HIBADH: variants seen among roughly 807,000 people sequenced by gnomAD.
HIBADH encodes 3-hydroxyisobutyrate dehydrogenase, mitochondrial.
HIBADH carries 25 observed loss-of-function variants against 36.1 expected under a neutral mutation model. That is an observed-to-expected ratio of 0.69 (90% CI 0.50 to 0.97). The LOEUF is 0.97. HIBADH is among the 50% of genes least tolerant of loss of function. The pLI, the probability that HIBADH is intolerant of heterozygous loss-of-function variation, is 0.00. For missense variants in HIBADH, 421 were observed against 418.0 expected (o/e 1.01, Z -0.06); for synonymous variants, 160 against 149.5 (o/e 1.07, Z -0.51).
At chr7:27,642,893 C>T (rs963253183) in intron 2 of HIBADH, among the ~76,000 whole-genome samples, 6 of 152,048 alleles carry the variant, frequency 3.9e-5, no homozygotes, top group Non-Finnish European at 5.9e-5. Flanking sequence ...CCTCGTGATC[C>T]GCCCACCTCG....
intron 4 of HIBADH, among the ~76,000 whole-genome samples, chr7:27,574,054 T>C (rs1396714586): frequency 6.6e-6 from 1 of 152,150 alleles, no homozygotes; most frequent in Non-Finnish European, 1.5e-5. Flanking sequence ...TAATATACTA[T>C]AGAGGACCAA....
rs564076706 is a variant in HIBADH at position 27,526,118 on chromosome 7, G to A, written c.*96C>T. 2.0e-6 allele frequency: 2 copies of A among 1,010,370 alleles called. No individual in the cohort carries two copies. Among genetic ancestry groups the A allele is most frequent in the African/African-American group, 1.7e-5 (1 of 60,420 alleles). 62.6% of individuals were successfully genotyped at this position (1,010,370 alleles called of 1,614,324 possible). On this transcript the variant is annotated 3_prime_UTR_variant, in exon 8 of 8. Transcript: ENST00000265395. ...CCTAGACAATCAAAAGCAGATAGGT[G>A]ACCTTTGATTAAATCCATTTACTTG...
intron 4 of HIBADH, among the ~76,000 whole-genome samples, chr7:27,554,575 A>G (rs1373277541): frequency 8.5e-5 from 13 of 152,192 alleles, no homozygotes; most frequent in Admixed American, 7.9e-4. Flanking sequence ...GAGAAGAAAA[A>G]CAGGCATAAT....
rs576607302 is a variant in HIBADH at position 27,531,990 on chromosome 7, T to G, written c.696-642A>C. 6.6e-5 allele frequency among the ~76,000 whole-genome samples: 10 copies of G among 152,300 alleles called. No homozygotes were observed. In the East Asian group the frequency reaches 1.9e-3, roughly 29 times the overall value. On this transcript the variant is annotated intron_variant, in intron 6 of 7. Coordinates refer to ENST00000265395, the MANE Select transcript of HIBADH (RefSeq NM_152740.4). ...TATGAAGCAAGTCTGCACAGAGTTG[T>G]GACATATGCTATCTATTCAGAGACA... is the stretch of plus-strand genomic sequence containing the variant.
At position 27,619,085 on chromosome 7, in the gene HIBADH, C is replaced by G. The variant is rs532920656; in HGVS notation, c.484+10286G>C. ...AAGCATGCACAGCCCACTGCTGCCACCACTAGGGCCTGAACACTGGCCTAC... is the reference window on the plus strand; with the variant it reads ...AAGCATGCACAGCCCACTGCTGCCAGCACTAGGGCCTGAACACTGGCCTAC... On this transcript the variant is annotated intron_variant, in intron 4 of 7. Coordinates refer to ENST00000265395, the MANE Select transcript of HIBADH (RefSeq NM_152740.4). 5.6e-4 allele frequency among the ~76,000 whole-genome samples: 85 copies of G among 152,288 alleles called. 1 individual carries two copies. The South Asian group carries it at 0.015, about 26-fold the overall frequency.
chr7:27,607,232 C>T (rs922827474), intron 4 of HIBADH, among the ~76,000 whole-genome samples: 1 of 141,446 alleles, frequency 7.1e-6, no homozygotes, highest in Non-Finnish European at 1.5e-5. Context: ...TGCGGCTGGG[C>T]GCCATGGCTC....
chr7:27,531,134 G>A, intron 7 of HIBADH, 58 bp downstream of exon 7: 2 of 1,464,766 alleles, frequency 1.4e-6, no homozygotes, highest in Non-Finnish European at 1.9e-6. Flanking sequence ...GAGAAGGAAG[G>A]TGTTATTGGA....
chr7:27,650,386 G>C (rs1209963566), intron 1 of HIBADH, among the ~76,000 whole-genome samples: 1 of 151,566 alleles, frequency 6.6e-6, no homozygotes, highest in Non-Finnish European at 1.5e-5. Flanking sequence ...GGCTTTAAAT[G>C]GCAAGTGTAA....
intron 4 of HIBADH, among the ~76,000 whole-genome samples, chr7:27,563,868 G>A (rs1012158069): frequency 6.6e-6 from 1 of 150,680 alleles, no homozygotes; most frequent in Non-Finnish European, 1.5e-5. Flanking sequence ...CCTCTTAACA[G>A]TGTTTTAGCA....
At chr7:27,586,270 T>C (rs1269272132) in intron 4 of HIBADH, among the ~76,000 whole-genome samples, 1 of 151,942 alleles carries the variant, frequency 6.6e-6, no homozygotes, top group African/African-American at 2.4e-5. Flanking sequence ...GTTTGGCAAC[T>C]GGGTTTCAAG....
rs1344801559 is a variant in HIBADH at position 27,649,573 on chromosome 7, C to T, written c.152G>A (p.Gly51Glu). ...CATGAGATTTTTTGCCATTGGATTC[C>T]CCATGTTGCCCAGTCCAATGAATCC... ...PVGFIGLGNMGNPMAKNLMKH... is the reference protein window; with the variant it reads ...PVGFIGLGNMENPMAKNLMKH... Residue 51 changes from glycine (G) to glutamate (E), a missense_variant, in exon 2 of 8, where the codon GGG becomes GAG. Gly to Glu is a moderately conservative substitution (Grantham distance 98, BLOSUM62 -2). Transcript: ENST00000265395. The T allele has an allele frequency of 3.4e-5, 55 of 1,613,678 alleles. No homozygotes were observed. The highest frequency in any genetic ancestry group is 4.3e-5 in the Non-Finnish European group (51 of 1,179,818).
chr7:27,661,867 T>C (rs1002415114), intron 1 of HIBADH, among the ~76,000 whole-genome samples: 1 of 152,182 alleles, frequency 6.6e-6, no homozygotes, highest in Admixed American at 6.5e-5. Flanking sequence ...AACAACTTTC[T>C]AGGTCTTGCT....
intron 4 of HIBADH, among the ~76,000 whole-genome samples, chr7:27,582,461 AGGGATTGT>A (rs1187107109): frequency 6.6e-6 from 1 of 152,148 alleles, no homozygotes; most frequent in Non-Finnish European, 1.5e-5. Flanking sequence ...GTTTCAAGTA[AGGGATTGT>A]GGGACTATGG....
intron 4 of HIBADH, among the ~76,000 whole-genome samples, chr7:27,561,201 T>C (rs1190649271): frequency 6.6e-6 from 1 of 152,168 alleles, no homozygotes; most frequent in East Asian, 1.9e-4. Flanking sequence ...GTACTTTATA[T>C]TGGAAAAAAT....
At chr7:27,574,294 A>T (rs1275026330) in intron 4 of HIBADH, among the ~76,000 whole-genome samples, 1 of 76,340 alleles carries the variant, frequency 1.3e-5, no homozygotes, top group African/African-American at 6.5e-5. Flanking sequence ...AAGAGATAGC[A>T]GGTGATTTTT....
intron 4 of HIBADH, among the ~76,000 whole-genome samples, chr7:27,577,477 T>C (rs1396863688): frequency 2.6e-5 from 4 of 152,214 alleles, no homozygotes; most frequent in African/African-American, 9.7e-5. Context: ...ATCATTTCTC[T>C]CTTAAAATGA....
rs187691223 is a variant in HIBADH, at chr7:27,661,051, C to G, written c.91+1647G>C. Among the ~76,000 whole-genome samples, 7 of 152,270 alleles carry G rather than the reference C, an allele frequency of 4.6e-5. No homozygotes were observed. The East Asian group carries it at 1.4e-3, about 29-fold the overall frequency. ...TGAATTCATGTGAAAACTGGTGCTA[C>G]TGTGGAAAAGTGTCTATTCTTTTAG... is the stretch of plus-strand genomic sequence containing the variant. On this transcript the variant is annotated intron_variant, in intron 1 of 7. Coordinates refer to ENST00000265395, the MANE Select transcript of HIBADH (RefSeq NM_152740.4).
Position 27,532,133 on chromosome 7 carries a change from A to G in HIBADH, c.696-785T>C, listed in dbSNP as rs560199372. ...GGCTGATGGCATAAACGGCTGTTCA[A>G]TGTGGACCCTAGAAAAAATAATAGA... On this transcript the variant is annotated intron_variant, in intron 6 of 7. Transcript: ENST00000265395. 2.6e-5 allele frequency among the ~76,000 whole-genome samples: 4 copies of G among 152,338 alleles called. No homozygotes were observed. The South Asian group carries it at 8.3e-4, about 32-fold the overall frequency.
At chr7:27,644,599 C>CAA (rs57443714) in intron 2 of HIBADH, among the ~76,000 whole-genome samples, 13 of 112,666 alleles carry the variant, frequency 1.2e-4, no homozygotes, top group East Asian at 2.5e-4. Context: ...GACTCCATCT[C>CAA]AAAAAAAAAA....
Sources: gnomAD v4.1 joint callset for allele counts (sites outside exome capture counted in the v4.1 genomes callset) on GRCh38, gnomAD v4.1.1 for gene constraint, MANE v1.5 for transcripts, NCBI Gene and HGNC (gene_info 2026-07-23, HGNC 2026-07-21) for gene names.